Variants in MAPK3 observed in about 807,000 individuals in gnomAD.
The protein encoded by MAPK3 is mitogen-activated protein kinase 3.
In MAPK3, 30 loss-of-function variants were observed where a neutral mutation model predicts 41.8. The observed-to-expected ratio is 0.72, with a 90% confidence interval of 0.54 to 0.97. The LOEUF (loss-of-function observed/expected upper bound fraction) is 0.97, where lower values mean the gene tolerates loss of function less well. MAPK3 is among the 50% of genes least tolerant of loss of function. The probability of loss-of-function intolerance (pLI) is 0.00; values close to 1 mark genes in which losing one functional copy is unlikely to be tolerated. For synonymous variants in MAPK3, 222 were observed against 213.4 expected, an observed-to-expected ratio of 1.04 and a Z score of -0.35; for missense variants, 413 against 509.9, an observed-to-expected ratio of 0.81 and a Z score of 1.83.
In MAPK3 at chr16:30,117,171, G is replaced by C. The variant is rs866972428; in HGVS notation, c.890C>G (p.Pro297Arg). ...TCTCGAACCTTTGGAGTCTGACTTG[G>C]GGAAAAGCTTGGCCCAAGCCACCTT... ...KTKVAWAKLF[P>R]KSDSKALDLL... is the part of the protein sequence containing the mutation. Residue 297 changes from proline to arginine, a missense_variant, in exon 6 of 9, where the codon CCC becomes CGC. Coordinates refer to ENST00000263025, the MANE Select transcript of MAPK3 (RefSeq NM_002746.3). The C allele has an allele frequency of 6.2e-7, 1 of 1,614,112 alleles. No individual in the cohort carries two copies.
Position 30,123,037 on chromosome 16 carries a change from C to CA in MAPK3, c.170+2dup. The stretch of plus-strand genomic sequence containing the variant: ...CACCCCCTCCCCCGGAACGCCCCCT[C>CA]ACCTGACCATGCCGTACGCGCCCTC... On this transcript the variant is annotated splice_region_variant and intron_variant, in intron 1 of 8. Transcript: ENST00000263025. 6.4e-7 allele frequency: 1 copy of CA among 1,554,358 alleles called. No individual in the cohort carries two copies. The highest frequency in any genetic ancestry group is 8.7e-7 in the Non-Finnish European group (1 of 1,151,422).
intron 4 of MAPK3, 129 bp downstream of exon 4, chr16:30,117,918 T>C: frequency 9.2e-7 from 1 of 1,091,256 alleles, no homozygotes; most frequent in Non-Finnish European, 1.4e-6. Flanking sequence ...AATGCTCAGC[T>C]TCCTTGCAGA....
At chr16:30,122,426 A>T (rs1454460123) in intron 1 of MAPK3, 1 of 258,768 alleles carries the variant, frequency 3.9e-6, no homozygotes, top group East Asian at 1.0e-4. Context: ...AGGGCAGGGG[A>T]GGGTCCCAGG....
rs780248443 is a variant in MAPK3 at position 30,122,092 on chromosome 16, G to T, written c.171-86C>A. 9 of 1,324,776 alleles carry T rather than the reference G, an allele frequency of 6.8e-6. No homozygotes were observed. The East Asian group carries it at 1.6e-4, about 24-fold the overall frequency. The allele number at this position is 1,324,776 out of a possible 1,614,324, so 82.1% of individuals were successfully genotyped here. ...GGCCCCACCCAGGCCTTGGCAGGGA[G>T]GGGAGAGAGCAGGAGCTGGCTCTGG... On this transcript the variant is annotated intron_variant, in intron 1 of 8. Transcript: ENST00000263025.
chr16:30,120,682 CTTTTTTTTT>C (rs34799400), intron 2 of MAPK3, among the ~76,000 whole-genome samples: 1 of 113,176 alleles, frequency 8.8e-6, no homozygotes, highest in African/African-American at 3.4e-5. Context: ...GCTTCCTCAT[CTTTTTTTTT>C]TTTTTTTTTT....
intron 2 of MAPK3, 64 bp downstream of exon 2, chr16:30,121,760 A>C: frequency 6.6e-7 from 1 of 1,524,634 alleles, no homozygotes; most frequent in Non-Finnish European, 8.9e-7. Flanking sequence ...GAAACCAAGC[A>C]ACGGGTCCCC....
intron 8 of MAPK3, among the ~76,000 whole-genome samples, chr16:30,115,074 A>C (rs2072941893): frequency 8.4e-6 from 1 of 118,674 alleles, no homozygotes; most frequent in Non-Finnish European, 1.8e-5. Context: ...CCAGCTCCAC[A>C]AAAAAAAAAA....
rs200652640 is a variant in MAPK3 at position 30,118,087 on chromosome 16, G to T, written c.620C>A (p.Thr207Lys). The change falls in exon 4 of 9, where the codon ACG becomes AAG. Residue 207 changes from threonine to lysine, a missense_variant. This residue lies in a region of MAPK3 where 140 missense variants were observed against 206.0 expected (regional missense o/e 0.68). Coordinates refer to ENST00000263025, the MANE Select transcript of MAPK3 (RefSeq NM_002746.3). ...HTGFLTEYVA[T>K]RWYRAPEIML... ...GATCTCTGGGGCCCGGTACCAGCGC[G>T]TAGCCACATACTCCGTCAGGAAGCC... The T allele has an allele frequency of 6.2e-7, 1 of 1,614,126 alleles. No homozygotes were observed. Among genetic ancestry groups the T allele is most frequent in the Non-Finnish European group, 8.5e-7 (1 of 1,180,024 alleles).
intron 2 of MAPK3, 36 bp from the exon 3 acceptor site, chr16:30,118,574 G>A (rs748592221): frequency 2.6e-6 from 4 of 1,560,770 alleles, no homozygotes; most frequent in Middle Eastern, 2.0e-4. Context: ...CAGGCAGGGG[G>A]CAGTGGGAGG....
At chr16:30,120,611 C>G (rs1463079890) in intron 2 of MAPK3, among the ~76,000 whole-genome samples, 2 of 151,252 alleles carry the variant, frequency 1.3e-5, no homozygotes, top group South Asian at 4.2e-4. Context: ...AAGTTCCCAT[C>G]TGGGGGAGGA....
chr16:30,122,917 A>C (rs1325721477), intron 1 of MAPK3, 123 bp downstream of exon 1: 4 of 846,086 alleles, frequency 4.7e-6, no homozygotes, highest in Non-Finnish European at 6.6e-6. Context: ...GATCATCCCG[A>C]GTCTCCTGCC....
intron 2 of MAPK3, among the ~76,000 whole-genome samples, chr16:30,120,648 T>C (rs1386911325): frequency 6.6e-6 from 1 of 151,322 alleles, no homozygotes; most frequent in Non-Finnish European, 1.5e-5. Flanking sequence ...CAGAAACACT[T>C]GATTTTAGGT....
rs771645503 is a variant in MAPK3 at position 30,123,029 on chromosome 16, C to A, written c.170+11G>T. On this transcript the variant is annotated intron_variant, in intron 1 of 8. Transcript: ENST00000263025. Reference sequence around the variant, plus strand: ...CCTGAGGGCACCCCCTCCCCCGGAACGCCCCCTCACCTGACCATGCCGTAC... The same window carrying A: ...CCTGAGGGCACCCCCTCCCCCGGAAAGCCCCCTCACCTGACCATGCCGTAC... 1.3e-6 allele frequency: 2 copies of A among 1,493,210 alleles called. No homozygotes were observed. Among genetic ancestry groups the A allele is most frequent in the Non-Finnish European group, 1.8e-6 (2 of 1,120,192 alleles). 92.5% of individuals were successfully genotyped at this position (1,493,210 alleles called of 1,614,324 possible).
chr16:30,119,803 GTAAA>G (rs1367356257), intron 2 of MAPK3, among the ~76,000 whole-genome samples: 3 of 152,138 alleles, frequency 2.0e-5, no homozygotes, highest in African/African-American at 4.8e-5. Context: ...AAGCTTATGC[GTAAA>G]TAAATAAATA....
At chr16:30,116,196 G>A (rs1443244485) in intron 8 of MAPK3, among the ~76,000 whole-genome samples, 2 of 150,732 alleles carry the variant, frequency 1.3e-5, no homozygotes, top group Non-Finnish European at 1.5e-5. Flanking sequence ...CTACGTGCCC[G>A]GCTAATTTTT....
Position 30,123,050 on chromosome 16 carries a change from C to G in MAPK3, c.160G>C (p.Gly54Arg). The G allele has an allele frequency of 5.1e-6, 8 of 1,561,982 alleles. No individual in the cohort carries two copies. Among genetic ancestry groups the G allele is most frequent in the Non-Finnish European group, 6.9e-6 (8 of 1,154,914 alleles). ...GGAACGCCCCCTCACCTGACCATGC[C>G]GTACGCGCCCTCGCCGATGTACTGC... ...QLQYIGEGAY[G>R]MVSSAYDHVR... The change falls in exon 1 of 9, where the codon GGC becomes CGC. Residue 54 changes from glycine (G) to arginine (R), a missense_variant. Physicochemically the swap from Gly to Arg is moderately radical, Grantham distance 125. Around this residue, in one of 4 missense-constraint regions of MAPK3, gnomAD observed 145 missense variants for 133.0 expected, o/e 1.09. Transcript: ENST00000263025.
At chr16:30,122,739 C>T in intron 1 of MAPK3, 1 of 310,610 alleles carries the variant, frequency 3.2e-6, no homozygotes, top group Admixed American at 4.9e-5. Context: ...ATCCTCTGGG[C>T]CTCGCCCCGT....
In MAPK3 at chr16:30,118,424, G is replaced by A; in HGVS notation, c.468C>T (p.Tyr156=). Residue 156 remains tyrosine (Y), a synonymous_variant, in exon 3 of 9, where the codon TAC becomes TAT. Coordinates refer to ENST00000263025, the MANE Select transcript of MAPK3 (RefSeq NM_002746.3). ...GGTGGAGCACGTTGGCGGAGTGGAT[G>A]TACTTGAGGCCCCGCAGGATCTGGT... ...FLYQILRGLK[Y]IHSANVLHRD... The A allele has an allele frequency of 1.9e-6, 3 of 1,614,032 alleles. No individual in the cohort carries two copies. The highest frequency in any genetic ancestry group is 1.7e-6 in the Non-Finnish European group (2 of 1,179,984).
Position 30,117,682 on chromosome 16 carries a change from T to A in MAPK3, c.763A>T (p.Asn255Tyr). Reference protein sequence around the residue: ...FPGKHYLDQLNHILGILGSPS... With the variant: ...FPGKHYLDQLYHILGILGSPS... ...GGGCCTCCCTCACCCAGAATGTGGT[T>A]GAGCTGATCCAGGTAGTGCTTGCCA... is the stretch of plus-strand genomic sequence containing the variant. The change falls in exon 5 of 9, where the codon AAC (asparagine) becomes TAC (tyrosine). Residue 255 changes from asparagine (N) to tyrosine (Y), a missense_variant. Coordinates refer to ENST00000263025, the MANE Select transcript of MAPK3 (RefSeq NM_002746.3). 1.2e-6 allele frequency: 2 copies of A among 1,613,316 alleles called. No homozygotes were observed. Among genetic ancestry groups the A allele is most frequent in the Non-Finnish European group, 1.7e-6 (2 of 1,179,278 alleles).
Sources: gnomAD v4.1 joint callset for allele counts (sites outside exome capture counted in the v4.1 genomes callset) on GRCh38, gnomAD v4.1.1 for gene constraint, gnomAD v4.1.1 regional missense constraint, MANE v1.5 for transcripts, NCBI Gene and HGNC (gene_info 2026-07-23, HGNC 2026-07-21) for gene names.